Variants in FHIT observed in about 807,000 individuals in gnomAD.
FHIT encodes fragile histidine triad diadenosine triphosphatase.
Under a neutral mutation model 17.9 loss-of-function variants are expected in FHIT, and 19 were observed. The ratio of observed to expected loss-of-function variants is 1.06; its 90% confidence interval spans 0.74 to 1.56. The LOEUF (loss-of-function observed/expected upper bound fraction) is 1.56, where lower values mean the gene tolerates loss of function less well. Among genes scored for constraint, FHIT ranks in the 40% most tolerant of loss-of-function variants. The pLI, the probability that FHIT is intolerant of heterozygous loss-of-function variation, is 0.00. For missense variants in FHIT, 248 were observed against 189.2 expected (o/e 1.31, Z -1.82); for synonymous variants, 81 against 69.7 (o/e 1.16, Z -0.81).
intron 5 of FHIT, among the ~76,000 whole-genome samples, chr3:60,146,236 C>A (rs62240252): frequency 0.25 from 29,961 of 120,422 alleles, 3,246 homozygotes; most frequent in South Asian, 0.36. Context: ...AAACATTTAA[C>A]AATATACTCA....
At chr3:59,827,030 G>A (rs769469543) in intron 8 of FHIT, among the ~76,000 whole-genome samples, 2 of 152,152 alleles carry the variant, frequency 1.3e-5, no homozygotes, top group Non-Finnish European at 2.9e-5. Context: ...AGCTGTCAAT[G>A]ATGCCTTCTA....
chr3:60,702,792 G>A (rs1176585642), intron 4 of FHIT, among the ~76,000 whole-genome samples: 2 of 152,026 alleles, frequency 1.3e-5, no homozygotes, highest in African/African-American at 4.8e-5. Flanking sequence ...TATTCTTCCT[G>A]ATTTAATATG....
intron 2 of FHIT, among the ~76,000 whole-genome samples, chr3:61,060,062 C>T (rs972145760): frequency 2.1e-4 from 32 of 152,220 alleles, no homozygotes; most frequent in Non-Finnish European, 4.7e-4. Flanking sequence ...GAGTTCCCAC[C>T]TTGCACCCTG....
At chr3:60,784,587 C>T (rs782528910) in intron 4 of FHIT, among the ~76,000 whole-genome samples, 15 of 152,148 alleles carry the variant, frequency 9.9e-5, no homozygotes, top group Non-Finnish European at 1.3e-4. Flanking sequence ...CTGTCTGCTT[C>T]GGCCTCCCAA....
chr3:60,556,560 C>G (rs562050745), intron 4 of FHIT, among the ~76,000 whole-genome samples: 3 of 152,300 alleles, frequency 2.0e-5, no homozygotes, highest in African/African-American at 7.2e-5. Flanking sequence ...TACAGTAGAC[C>G]TGGAGGAAAA....
intron 8 of FHIT, among the ~76,000 whole-genome samples, chr3:59,838,730 C>T (rs1470620448): frequency 2.0e-5 from 3 of 152,180 alleles, no homozygotes; most frequent in Admixed American, 6.6e-5. Context: ...ATTGATAATG[C>T]TCTCTCTCCA....
intron 8 of FHIT, among the ~76,000 whole-genome samples, chr3:59,762,224 T>C (rs986651267): frequency 6.6e-6 from 1 of 152,258 alleles, no homozygotes; most frequent in African/African-American, 2.4e-5. Flanking sequence ...GCTCAGAACG[T>C]TGTACAATGA....
chr3:59,781,953 G>C (rs545307691), intron 8 of FHIT, among the ~76,000 whole-genome samples: 2 of 152,328 alleles, frequency 1.3e-5, no homozygotes, highest in East Asian at 1.9e-4. Flanking sequence ...ATATGCTCTA[G>C]ATTTGCATTT....
At chr3:60,464,148 C>T (rs1446196627) in intron 5 of FHIT, among the ~76,000 whole-genome samples, 1 of 152,124 alleles carries the variant, frequency 6.6e-6, no homozygotes, top group African/African-American at 2.4e-5. Context: ...AAGATCTTGT[C>T]TCTTGCTCAA....
intron 5 of FHIT, among the ~76,000 whole-genome samples, chr3:60,271,073 T>A (rs1320285605): frequency 1.3e-5 from 2 of 152,278 alleles, no homozygotes; most frequent in African/African-American, 4.8e-5. Context: ...GGGGGCTAAC[T>A]TCTGCTGCCC....
intron 8 of FHIT, among the ~76,000 whole-genome samples, chr3:59,900,106 C>A (rs1488844174): frequency 6.6e-6 from 1 of 152,168 alleles, no homozygotes; most frequent in Non-Finnish European, 1.5e-5. Context: ...TCATCCGGCA[C>A]AATCACCAGG....
intron 5 of FHIT, among the ~76,000 whole-genome samples, chr3:60,229,720 T>C (rs1704398776): frequency 6.6e-6 from 1 of 152,170 alleles, no homozygotes; most frequent in Non-Finnish European, 1.5e-5. Flanking sequence ...TGGCTCACAC[T>C]TACGTATAAT....
chr3:60,749,552 C>T (rs1265803237), intron 4 of FHIT, among the ~76,000 whole-genome samples: 3 of 152,152 alleles, frequency 2.0e-5, no homozygotes, highest in Admixed American at 6.6e-5. Context: ...CTAATGGTGA[C>T]TTAAAAGCAT....
intron 8 of FHIT, among the ~76,000 whole-genome samples, chr3:59,914,268 G>A (rs1705025352): frequency 2.0e-5 from 3 of 151,874 alleles, no homozygotes; most frequent in African/African-American, 7.3e-5. Context: ...TCTCAATTCA[G>A]ACTGGTCACA....
At chr3:60,096,480 G>A (rs1043595842) in intron 5 of FHIT, among the ~76,000 whole-genome samples, 1 of 152,190 alleles carries the variant, frequency 6.6e-6, no homozygotes, top group Non-Finnish European at 1.5e-5. Flanking sequence ...ACTCTGGGTC[G>A]CAGGTTTCAT....
chr3:59,839,237 G>A (rs1162112231), intron 8 of FHIT, among the ~76,000 whole-genome samples: 1 of 150,918 alleles, frequency 6.6e-6, no homozygotes, highest in Non-Finnish European at 1.5e-5. Context: ...AAAATCGCTT[G>A]AACCCGGGAT....
chr3:60,570,557 G>A (rs969316679), intron 4 of FHIT, among the ~76,000 whole-genome samples: 3 of 151,908 alleles, frequency 2.0e-5, no homozygotes, highest in Non-Finnish European at 2.9e-5. Context: ...GGATGCCACT[G>A]AAGTGCCACC....
intron 5 of FHIT, among the ~76,000 whole-genome samples, chr3:60,287,064 T>C (rs1707759921): frequency 1.3e-5 from 2 of 152,188 alleles, no homozygotes; most frequent in Non-Finnish European, 2.9e-5. Flanking sequence ...AAAAACCATG[T>C]CATGTTAACA....
chr3:60,956,163 TAA>T (rs1346725669), intron 3 of FHIT, among the ~76,000 whole-genome samples: 5 of 152,214 alleles, frequency 3.3e-5, no homozygotes, highest in African/African-American at 9.6e-5. Flanking sequence ...GTTGTAAACC[TAA>T]AGTTACATTT....
Sources: gnomAD v4.1 joint callset for allele counts (sites outside exome capture counted in the v4.1 genomes callset) on GRCh38, gnomAD v4.1.1 for gene constraint, MANE v1.5 for transcripts, NCBI Gene and HGNC (gene_info 2026-07-23, HGNC 2026-07-21) for gene names.